PLA2G4E: variants seen among roughly 807,000 people sequenced by gnomAD.
PLA2G4E encodes cytosolic phospholipase A2 epsilon.
Under a neutral mutation model 109.1 loss-of-function variants are expected in PLA2G4E, and 84 were observed. The observed-to-expected ratio is 0.77, with a 90% CI of 0.65 to 0.92. PLA2G4E has a LOEUF of 0.92. PLA2G4E is among the 40% of genes least tolerant of loss of function. The pLI is 0.00. For synonymous variants in PLA2G4E, 469 were observed against 436.1 expected (o/e 1.08, Z -0.94); for missense variants, 1,057 against 1,076.6 (o/e 0.98, Z 0.25).
At chr15:42,035,677 TC>T (rs1325406604) in intron 1 of PLA2G4E, among the ~76,000 whole-genome samples, 2 of 152,130 alleles carry the variant, frequency 1.3e-5, no homozygotes, top group Non-Finnish European at 2.9e-5. Flanking sequence ...TTAAACACTA[TC>T]CCTAGGAAGA....
At chr15:41,990,188 G>T (rs756666288) in exon 14 of PLA2G4E, 1 of 1,613,618 alleles carries the variant, frequency 6.2e-7, no homozygotes, top group African/African-American at 1.3e-5. Flanking sequence ...GGGGGTTCTG[G>T]CCGCAGCTCA....
chr15:42,021,152 C>T (rs1209909605), intron 1 of PLA2G4E, among the ~76,000 whole-genome samples, 110 bp from the exon 1 acceptor site: 1 of 151,830 alleles, frequency 6.6e-6, no homozygotes, highest in Non-Finnish European at 1.5e-5. Flanking sequence ...AGTGGGTAGA[C>T]AGATAGGGTG....
exon 20 of PLA2G4E, chr15:41,983,943 C>A: frequency 6.2e-7 from 1 of 1,609,016 alleles, no homozygotes; most frequent in East Asian, 2.2e-5. Context: ...CCACCTGGCC[C>A]TGCTCCAGCT....
At chr15:42,034,472 C>T (rs1595577082) in intron 1 of PLA2G4E, among the ~76,000 whole-genome samples, 1 of 152,288 alleles carries the variant, frequency 6.6e-6, no homozygotes, top group East Asian at 1.9e-4. Flanking sequence ...GTCCCTTTCC[C>T]CTTCCTCTGA....
chr15:42,014,939 C>T (rs1238492820), intron 1 of PLA2G4E, among the ~76,000 whole-genome samples: 1 of 152,184 alleles, frequency 6.6e-6, no homozygotes, highest in East Asian at 1.9e-4. Flanking sequence ...TTCCCTAGCA[C>T]CTTGTCCTAA....
chr15:42,043,584 A>AC (rs1566852822), intron 1 of PLA2G4E, among the ~76,000 whole-genome samples: 1 of 133,582 alleles, frequency 7.5e-6, no homozygotes, highest in African/African-American at 2.8e-5. Flanking sequence ...AAAAAAAAAA[A>AC]CAACCACAAA....
chr15:42,002,090 G>A (rs7182354), intron 6 of PLA2G4E, among the ~76,000 whole-genome samples: 4 of 151,864 alleles, frequency 2.6e-5, no homozygotes, highest in African/African-American at 4.8e-5. Flanking sequence ...CTGGCAGATC[G>A]CTTGAGCTCA....
chr15:42,045,184 G>A (rs1889392401), intron 1 of PLA2G4E, among the ~76,000 whole-genome samples: 1 of 152,164 alleles, frequency 6.6e-6, no homozygotes, highest in African/African-American at 2.4e-5. Context: ...GCAAGGTTTG[G>A]AAAGGTGGCA....
intron 5 of PLA2G4E, among the ~76,000 whole-genome samples, chr15:42,004,507 G>C (rs1410582980): frequency 3.3e-5 from 5 of 152,250 alleles, no homozygotes; most frequent in Admixed American, 3.3e-4. Context: ...TGGCTGCAGA[G>C]TTGGCTGCTT....
At chr15:41,990,161 G>A (rs1566835814) in exon 14 of PLA2G4E, 1 of 1,613,636 alleles carries the variant, frequency 6.2e-7, no homozygotes, top group Non-Finnish European at 8.5e-7. Context: ...TGACATTGAT[G>A]GTGAGGTAGA....
At chr15:41,986,088 C>T in intron 17 of PLA2G4E, 83 bp from the exon 18 acceptor site, 1 of 1,422,590 alleles carries the variant, frequency 7.0e-7, no homozygotes, top group Non-Finnish European at 9.6e-7. Context: ...ACGGAGCGCC[C>T]TGTCTGGAGC....
chr15:42,046,171 C>T (rs894287468), intron 1 of PLA2G4E, among the ~76,000 whole-genome samples: 7 of 152,172 alleles, frequency 4.6e-5, no homozygotes, highest in Admixed American at 2.0e-4. Flanking sequence ...TCACTTGGCC[C>T]GCACTTCCCC....
intron 15 of PLA2G4E, among the ~76,000 whole-genome samples, chr15:41,988,786 G>C (rs184509110): frequency 1.0e-3 from 155 of 152,346 alleles, no homozygotes; most frequent in African/African-American, 3.5e-3. Flanking sequence ...AGAGGCCACC[G>C]TGGGCTGGGG....
intron 1 of PLA2G4E, among the ~76,000 whole-genome samples, chr15:42,027,051 C>G (rs1332177899): frequency 1.3e-5 from 2 of 151,870 alleles, no homozygotes; most frequent in Admixed American, 1.3e-4. Context: ...AAATGTGGAA[C>G]CAGCCCATGT....
intron 12 of PLA2G4E, among the ~76,000 whole-genome samples, chr15:41,993,495 G>A (rs2068285677): frequency 6.6e-6 from 1 of 152,158 alleles, no homozygotes; most frequent in African/African-American, 2.4e-5. Context: ...ACTCTGCCAT[G>A]TTAATTCCTA....
chr15:41,983,627 C>T (rs150614750), exon 20 of PLA2G4E: 6 of 837,764 alleles, frequency 7.2e-6, no homozygotes, highest in Middle Eastern at 3.6e-4. Context: ...GTTAGAAAGC[C>T]CAGGCCAACC....
intron 1 of PLA2G4E, among the ~76,000 whole-genome samples, chr15:42,019,299 C>T (rs553730557): frequency 2.9e-4 from 44 of 152,358 alleles, no homozygotes; most frequent in African/African-American, 1.0e-3. Flanking sequence ...GCCGTTACCA[C>T]AAATCAGTCA....
At chr15:42,005,598 C>T (rs2068467616) in intron 4 of PLA2G4E, among the ~76,000 whole-genome samples, 2 of 152,214 alleles carry the variant, frequency 1.3e-5, no homozygotes, top group Non-Finnish European at 2.9e-5. Flanking sequence ...CCCACCTTTA[C>T]CCTCATCTGT....
intron 1 of PLA2G4E, among the ~76,000 whole-genome samples, chr15:42,042,271 A>C (rs1889328460): frequency 6.6e-6 from 1 of 152,224 alleles, no homozygotes; most frequent in South Asian, 2.1e-4. Flanking sequence ...ATATACGTAT[A>C]TATAAAGAAA....
Sources: allele counts gnomAD v4.1 joint callset (sites outside exome capture counted in the v4.1 genomes callset), GRCh38; gene constraint gnomAD v4.1.1; transcripts MANE v1.5; gene names NCBI Gene and HGNC (gene_info 2026-07-23, HGNC 2026-07-21).